HEMK2: variants seen among roughly 807,000 people sequenced by gnomAD.
HEMK2 encodes the protein HemK methyltransferase 2, ETF1 glutamine and histone H4 lysine.
the HEMK2 span, among the ~76,000 whole-genome samples, chr21:28,728,548 T>C: frequency 6.6e-6 from 1 of 152,136 alleles, no homozygotes. Context: ...TCTAAACTCA[T>C]GATGTAGAGG....
chr21:28,637,001 C>T, the HEMK2 span, among the ~76,000 whole-genome samples: 9,302 of 152,210 alleles, frequency 0.061, 394 homozygotes, highest in Non-Finnish European at 0.094. Context: ...AATGATTATC[C>T]GATAATGTCT....
At chr21:28,587,498 G>A in the HEMK2 span, among the ~76,000 whole-genome samples, 8 of 152,174 alleles carry the variant, frequency 5.3e-5, no homozygotes, top group Non-Finnish European at 1.5e-5. Context: ...ACACTCAGTA[G>A]TAGGCAACCT....
the HEMK2 span, among the ~76,000 whole-genome samples, chr21:28,741,205 T>C: frequency 7.2e-5 from 11 of 151,962 alleles, no homozygotes; most frequent in Non-Finnish European, 1.5e-4. Context: ...ATTAGACCCA[T>C]CTCCAATGTC....
chr21:28,724,661 G>T, the HEMK2 span, among the ~76,000 whole-genome samples: 1 of 152,082 alleles, frequency 6.6e-6, no homozygotes, highest in Non-Finnish European at 1.5e-5. Flanking sequence ...CCTGTTTGAT[G>T]AAAAATTAGT....
chr21:28,732,329 C>T, the HEMK2 span, among the ~76,000 whole-genome samples: 1 of 152,196 alleles, frequency 6.6e-6, no homozygotes, highest in African/African-American at 2.4e-5. Context: ...TATTTCAGTG[C>T]CACTGTGTGC....
the HEMK2 span, among the ~76,000 whole-genome samples, chr21:28,863,416 A>T: frequency 0.049 from 396 of 8,142 alleles, 20 homozygotes; most frequent in Middle Eastern, 0.25. Flanking sequence ...CCTTTTATAT[A>T]TATATATATA....
the HEMK2 span, among the ~76,000 whole-genome samples, chr21:28,830,245 A>T: frequency 6.6e-6 from 1 of 151,918 alleles, no homozygotes; most frequent in African/African-American, 2.4e-5. Flanking sequence ...TGGGGGAGGG[A>T]TCTGGTGGGA....
the HEMK2 span, among the ~76,000 whole-genome samples, chr21:28,706,575 T>C: frequency 2.6e-5 from 4 of 152,206 alleles, no homozygotes; most frequent in Admixed American, 6.5e-5. Flanking sequence ...TATTGAGGCT[T>C]CTCTTTAACT....
At chr21:28,618,715 C>A in the HEMK2 span, among the ~76,000 whole-genome samples, 1 of 152,192 alleles carries the variant, frequency 6.6e-6, no homozygotes, top group African/African-American at 2.4e-5. Flanking sequence ...TCCTTGCACA[C>A]ATGAACACAT....
the HEMK2 span, among the ~76,000 whole-genome samples, chr21:28,735,552 G>T: frequency 6.6e-6 from 1 of 152,132 alleles, no homozygotes; most frequent in Non-Finnish European, 1.5e-5. Context: ...GAGCAGCTGG[G>T]GAGATTTAAA....
chr21:28,841,067 A>AATATTAT, the HEMK2 span, among the ~76,000 whole-genome samples: 3 of 43,908 alleles, frequency 6.8e-5, no homozygotes, highest in Admixed American at 3.9e-4. Context: ...TATATAAATA[A>AATATTAT]ATATTATATA....
the HEMK2 span, among the ~76,000 whole-genome samples, chr21:28,592,468 A>G: frequency 6.6e-6 from 1 of 152,224 alleles, no homozygotes; most frequent in East Asian, 1.9e-4. Flanking sequence ...AAAATGTGTG[A>G]TGGGCTTATT....
the HEMK2 span, among the ~76,000 whole-genome samples, chr21:28,748,945 ATAT>A: frequency 2.0e-5 from 3 of 151,282 alleles, no homozygotes; most frequent in African/African-American, 7.4e-5. Context: ...TTCTTGATAA[ATAT>A]TATTGCCCAA....
chr21:28,700,270 T>A, the HEMK2 span, among the ~76,000 whole-genome samples: 1 of 152,192 alleles, frequency 6.6e-6, no homozygotes, highest in African/African-American at 2.4e-5. Context: ...ACTGTCCTCA[T>A]CATAATCAAT....
At chr21:28,639,777 A>G in the HEMK2 span, among the ~76,000 whole-genome samples, 1 of 152,216 alleles carries the variant, frequency 6.6e-6, no homozygotes, top group Non-Finnish European at 1.5e-5. Flanking sequence ...CAGACGAGGA[A>G]CCCTGATTAA....
the HEMK2 span, among the ~76,000 whole-genome samples, chr21:28,690,546 C>T: frequency 6.6e-6 from 1 of 152,064 alleles, no homozygotes; most frequent in Non-Finnish European, 1.5e-5. Context: ...TTTGTTACAG[C>T]AATAATAGAG....
chr21:28,765,393 T>C, the HEMK2 span, among the ~76,000 whole-genome samples: 1 of 152,114 alleles, frequency 6.6e-6, no homozygotes, highest in Admixed American at 6.6e-5. Flanking sequence ...TTTAAACTGC[T>C]AAAGGTGAGA....
chr21:28,858,591 GAGGGAGGGACGC>G, the HEMK2 span, among the ~76,000 whole-genome samples: 5 of 151,988 alleles, frequency 3.3e-5, no homozygotes, highest in African/African-American at 1.2e-4. Context: ...AGGAAGGAAG[GAGGGAGGGACGC>G]AGGGAGGGAA....
the HEMK2 span, among the ~76,000 whole-genome samples, chr21:28,704,672 G>C: frequency 7.9e-5 from 12 of 152,114 alleles, no homozygotes; most frequent in Admixed American, 6.5e-4. Flanking sequence ...AATTGCTTCA[G>C]GTAACCCTAA....
Sources: gnomAD v4.1 joint callset for allele counts (sites outside exome capture counted in the v4.1 genomes callset) on GRCh38, gnomAD v4.1.1 for gene constraint, MANE v1.5 for transcripts, NCBI Gene and HGNC (gene_info 2026-07-23, HGNC 2026-07-21) for gene names.